The following CUX2 variants were observed in gnomAD, a reference collection of about 807,000 sequenced individuals.
CUX2 encodes cut like homeobox 2, also known as homeobox protein cut-like 2.
Under a neutral mutation model 144.8 loss-of-function variants are expected in CUX2, and 40 were observed. The ratio of observed to expected loss-of-function variants is 0.28; its 90% confidence interval spans 0.21 to 0.36. CUX2 has a LOEUF of 0.36. CUX2 is among the 10% of genes least tolerant of loss of function. CUX2 has a pLI of 1.00. For missense variants in CUX2, 1,615 were observed against 1,994.0 expected, an observed-to-expected ratio of 0.81 and a Z score of 3.62; for synonymous variants, 827 against 875.6, an observed-to-expected ratio of 0.94 and a Z score of 0.98.
intron 1 of CUX2, among the ~76,000 whole-genome samples, chr12:111,103,993 A>C (rs1873432842): frequency 6.6e-6 from 1 of 152,200 alleles, no homozygotes. Flanking sequence ...ACTTGGATCC[A>C]TGCATTTGCC....
rs186658167 is a variant in CUX2 at position 111,246,946 on chromosome 12, G to A, written c.223-16815G>A. The stretch of plus-strand genomic sequence containing the variant: ...ACTCTAGGACTGAGGGGCTGGGGCT[G>A]TGTTTTGTTCATCTTGGCATAGGGC... On this transcript the variant is annotated intron_variant, in intron 3 of 21. Coordinates refer to ENST00000261726, the MANE Select transcript of CUX2 (RefSeq NM_015267.4). The surrounding 1 kb of genome is among the most constrained non-coding windows in gnomAD (Gnocchi z 4.0). 2.6e-5 allele frequency among the ~76,000 whole-genome samples: 4 copies of A among 152,304 alleles called. No homozygotes were observed. The highest frequency in any genetic ancestry group is 2.0e-4 in the Admixed American group (3 of 15,298).
At chr12:111,043,705 C>T (rs1159846900) in intron 1 of CUX2, among the ~76,000 whole-genome samples, 4 of 152,178 alleles carry the variant, frequency 2.6e-5, no homozygotes, top group South Asian at 2.1e-4. Context: ...CCCAGCACTC[C>T]GGGAGGTACC....
At chr12:111,064,204 G>A (rs1870927177) in intron 1 of CUX2, among the ~76,000 whole-genome samples, 1 of 152,178 alleles carries the variant, frequency 6.6e-6, no homozygotes, top group Admixed American at 6.5e-5. Context: ...TCAGAGAGCT[G>A]GTTACCACCA....
At chr12:111,129,305 A>C (rs546611118) in intron 1 of CUX2, among the ~76,000 whole-genome samples, 13 of 152,384 alleles carry the variant, frequency 8.5e-5, no homozygotes, top group Admixed American at 2.0e-4. Context: ...AAGGTGATCA[A>C]GGTCCTTGCA....
At chr12:111,055,243 G>A (rs762494544) in intron 1 of CUX2, among the ~76,000 whole-genome samples, 3 of 152,182 alleles carry the variant, frequency 2.0e-5, no homozygotes, top group Non-Finnish European at 2.9e-5. Context: ...TCGGGGCCTG[G>A]GCCCAAATTA....
chr12:111,305,861 G>A lies in CUX2; in HGVS notation c.859-1060G>A, dbSNP rs139026325. 2.6e-3 allele frequency among the ~76,000 whole-genome samples: 400 copies of A among 152,240 alleles called. 2 individuals are homozygous for A. Among genetic ancestry groups the A allele is most frequent in the African/African-American group, 9.3e-3 (385 of 41,548 alleles). On this transcript the variant is annotated intron_variant, in intron 10 of 21. Transcript: ENST00000261726. The stretch of plus-strand genomic sequence containing the variant: ...TGTGTGATGATGTGTCCTTGTGAGT[G>A]TCTCTCTTTGATGCGTGTGTATTTG...
At chr12:111,213,146 G>A (rs1028635648) in intron 1 of CUX2, among the ~76,000 whole-genome samples, 1 of 152,278 alleles carries the variant, frequency 6.6e-6, no homozygotes, top group African/African-American at 2.4e-5. Context: ...AGGAAATTAT[G>A]GGGCTTGATT....
At chr12:111,197,787 G>T (rs1270106976) in intron 1 of CUX2, among the ~76,000 whole-genome samples, 2 of 152,196 alleles carry the variant, frequency 1.3e-5, no homozygotes, top group Non-Finnish European at 2.9e-5. Context: ...CACCACCAGG[G>T]AGCCATAGGA....
At position 111,171,868 on chromosome 12, in the gene CUX2, A is replaced by G. The variant is rs540036037; in HGVS notation, c.64-42332A>G. Among the ~76,000 whole-genome samples the G allele has an allele frequency of 2.0e-5, 3 of 152,332 alleles. No homozygotes were observed. In the South Asian group the frequency reaches 6.2e-4, roughly 32 times the overall value. ...GTGGGTCCTGGGCCTTACCTGTACCAAATAAATAACCCATTTCCCAATGGG... is the reference window on the plus strand; with the variant it reads ...GTGGGTCCTGGGCCTTACCTGTACCGAATAAATAACCCATTTCCCAATGGG... On this transcript the variant is annotated intron_variant, in intron 1 of 21. Coordinates refer to ENST00000261726, the MANE Select transcript of CUX2 (RefSeq NM_015267.4). This position sits in a 1 kb window ranked among gnomAD's most constrained non-coding sequence, Gnocchi z 5.0.
rs147681581 is a variant in CUX2 at position 111,115,008 on chromosome 12, C to T, written c.63+80768C>T. Among the ~76,000 whole-genome samples, 170 of 151,958 alleles carry T rather than the reference C, an allele frequency of 1.1e-3. 1 individual carries two copies. The highest frequency in any genetic ancestry group is 3.5e-3 in the African/African-American group (147 of 41,434). On this transcript the variant is annotated intron_variant, in intron 1 of 21. Transcript: ENST00000261726. ...TGGATCTATTTCTTGGCATTTTATT[C>T]TTTTTCATTGATCAATATGTCTATC... is the stretch of plus-strand genomic sequence containing the variant.
chr12:111,073,590 G>A lies in CUX2; in HGVS notation c.63+39350G>A, dbSNP rs534054744. 2.5e-4 allele frequency among the ~76,000 whole-genome samples: 38 copies of A among 152,178 alleles called. 1 individual carries two copies. The highest frequency in any genetic ancestry group is 3.5e-4 in the Non-Finnish European group (24 of 68,026). The stretch of plus-strand genomic sequence containing the variant: ...CTTTGTTGTGGGTGCTGCTCTGTGC[G>A]TTGTAGGATGCTTAGCAGCATCTCT... On this transcript the variant is annotated intron_variant, in intron 1 of 21. Coordinates refer to ENST00000261726, the MANE Select transcript of CUX2 (RefSeq NM_015267.4).
chr12:111,311,279 T>C (rs1337026804), intron 15 of CUX2, among the ~76,000 whole-genome samples: 1 of 152,148 alleles, frequency 6.6e-6, no homozygotes, highest in African/African-American at 2.4e-5. Context: ...GCCATAGTCA[T>C]TGTCGTCATC....
At chr12:111,106,619 T>G (rs1456890166) in intron 1 of CUX2, among the ~76,000 whole-genome samples, 1 of 152,114 alleles carries the variant, frequency 6.6e-6, no homozygotes, top group African/African-American at 2.4e-5. Context: ...TAATTCCTGA[T>G]AGAAATAAGA....
chr12:111,214,151 T>A (rs369292360), intron 1 of CUX2, 49 bp from the exon 2 acceptor site: 1 of 1,197,490 alleles, frequency 8.4e-7, no homozygotes, highest in Non-Finnish European at 1.2e-6. Context: ...AGAAGAAAAA[T>A]CTTTTTCTTT....
intron 9 of CUX2, among the ~76,000 whole-genome samples, chr12:111,303,730 C>T (rs888568213): frequency 1.3e-5 from 2 of 152,126 alleles, no homozygotes; most frequent in Non-Finnish European, 2.9e-5. Context: ...GGGAAAGCAC[C>T]TTTGCAGATG....
At chr12:111,112,838 G>A (rs765386176) in intron 1 of CUX2, among the ~76,000 whole-genome samples, 1 of 152,180 alleles carries the variant, frequency 6.6e-6, no homozygotes, top group Non-Finnish European at 1.5e-5. Flanking sequence ...CTTGATCCGA[G>A]GCATAACTTG....
At chr12:111,218,443 C>A (rs560963893) in intron 3 of CUX2, among the ~76,000 whole-genome samples, 1 of 152,152 alleles carries the variant, frequency 6.6e-6, no homozygotes, top group Non-Finnish European at 1.5e-5. Context: ...TTAAACCCGG[C>A]AAGTTGAGGC....
At chr12:111,291,153 C>T (rs1885658917) in intron 4 of CUX2, among the ~76,000 whole-genome samples, 1 of 152,204 alleles carries the variant, frequency 6.6e-6, no homozygotes, top group Non-Finnish European at 1.5e-5. Flanking sequence ...GCATGAGCCA[C>T]CGCACCCGGC....
At chr12:111,314,236 C>G (rs370088851) in intron 16 of CUX2, among the ~76,000 whole-genome samples, 1 of 152,220 alleles carries the variant, frequency 6.6e-6, no homozygotes, top group Non-Finnish European at 1.5e-5. Context: ...ATGGGTGAGA[C>G]ATGATATGGA....
Sources: allele counts gnomAD v4.1 joint callset (sites outside exome capture counted in the v4.1 genomes callset), GRCh38; gene constraint gnomAD v4.1.1; non-coding constraint Gnocchi (gnomAD v3.1); transcripts MANE v1.5; gene names NCBI Gene and HGNC (gene_info 2026-07-23, HGNC 2026-07-21).